Variants in PDIA5 observed in about 807,000 individuals in gnomAD.
The protein encoded by PDIA5 is protein disulfide isomerase family A member 5.
PDIA5 carries 58 observed loss-of-function variants against 77.6 expected under a neutral mutation model. The ratio of observed to expected loss-of-function variants is 0.75; its 90% CI spans 0.61 to 0.93. The LOEUF (loss-of-function observed/expected upper bound fraction) is 0.93. PDIA5 is among the 40% of genes least tolerant of loss of function. The probability of loss-of-function intolerance (pLI) is 0.00; values close to 1 mark genes in which losing one functional copy is unlikely to be tolerated. For synonymous variants in PDIA5, 250 were observed against 252.1 expected (o/e 0.99, Z 0.08); for missense variants, 630 against 647.7 (o/e 0.97, Z 0.30).
At chr3:123,114,933 G>GGGGCAGTTTT (rs1440656169) in intron 7 of PDIA5, among the ~76,000 whole-genome samples, 1 of 152,214 alleles carries the variant, frequency 6.6e-6, no homozygotes, top group East Asian at 1.9e-4. Flanking sequence ...AGGGGGCTGT[G>GGGGCAGTTTT]GGGCAGTTTT....
chr3:123,072,742 A>G (rs572564479), intron 1 of PDIA5, among the ~76,000 whole-genome samples: 1 of 152,158 alleles, frequency 6.6e-6, no homozygotes, highest in Admixed American at 6.5e-5. Context: ...GTTTTGCCCC[A>G]GCTTTGTGGT....
intron 15 of PDIA5, among the ~76,000 whole-genome samples, chr3:123,159,083 A>G (rs1322270579): frequency 1.3e-5 from 2 of 152,258 alleles, no homozygotes; most frequent in African/African-American, 4.8e-5. Flanking sequence ...ACCATACACT[A>G]TATTTCCAAT....
chr3:123,069,691 C>T (rs753156256), intron 1 of PDIA5, among the ~76,000 whole-genome samples: 4 of 152,106 alleles, frequency 2.6e-5, no homozygotes, highest in African/African-American at 7.2e-5. Context: ...TATTCATGAG[C>T]GATCCACCCT....
At chr3:123,159,796 CCTGGTGGCCAGGG>C (rs1419185798) in intron 15 of PDIA5, among the ~76,000 whole-genome samples, 1 of 152,102 alleles carries the variant, frequency 6.6e-6, no homozygotes. Context: ...GAAGGTGGCA[CCTGGTGGCCAGGG>C]GAGGCCGCAC....
chr3:123,155,096 C>T (rs946207916), intron 15 of PDIA5, 55 bp downstream of exon 15: 2 of 1,222,754 alleles, frequency 1.6e-6, no homozygotes, highest in African/African-American at 1.5e-5. Flanking sequence ...CCTACACCTT[C>T]CTTCTTGTCA....
At chr3:123,127,760 G>A (rs1249804732) in intron 10 of PDIA5, among the ~76,000 whole-genome samples, 4 of 152,264 alleles carry the variant, frequency 2.6e-5, no homozygotes, top group East Asian at 3.9e-4. Flanking sequence ...TTTGATGATA[G>A]CCACTGTGCT....
intron 1 of PDIA5, among the ~76,000 whole-genome samples, chr3:123,075,363 A>T (rs1178036799): frequency 1.3e-5 from 2 of 152,138 alleles, no homozygotes; most frequent in Non-Finnish European, 2.9e-5. Context: ...GAGAGGGTAG[A>T]CTGAGTGAGC....
chr3:123,130,614 C>T lies in PDIA5; in HGVS notation c.908C>T (p.Pro303Leu). ...HSSVLVMFHA[P>L]WCGHCKKMKP... ...TCTGTCCTCGTCATGTTCCACGCCC[C>T]ATGTGAGTGGAACTTTGCTCCTCCC... The change falls in exon 11 of 17, where the codon CCA (proline) becomes CTA (leucine). Residue 303 changes from proline to leucine, a missense_variant and splice_region_variant. Coordinates refer to ENST00000316218, the MANE Select transcript of PDIA5 (RefSeq NM_006810.4). 6.2e-7 allele frequency: 1 copy of T among 1,613,872 alleles called. No individual in the cohort carries two copies. The highest frequency in any genetic ancestry group is 2.2e-5 in the East Asian group (1 of 44,882).
rs71623603 is a variant in PDIA5, at chr3:123,101,906, C to CTTTTTTTTTTTTTTTTTTTTTTTTTTTT, written c.258-484_258-483insTTTTTTTTTTTTTTTTTTTTTTTTTTTT. On this transcript the variant is annotated intron_variant, in intron 3 of 16. Transcript: ENST00000316218. The stretch of plus-strand genomic sequence containing the variant: ...TCCCCTTCCTTTCCTTTCTTTCTTG[C>CTTTTTTTTTTTTTTTTTTTTTTTTTTTT]TTTTTTTTTTTTTTTTTTTTTGAGA... Among the ~76,000 whole-genome samples the CTTTTTTTTTTTTTTTTTTTTTTTTTTTT allele has an allele frequency of 5.6e-5, 4 of 71,378 alleles. 1 individual carries two copies. Among genetic ancestry groups the CTTTTTTTTTTTTTTTTTTTTTTTTTTTT allele is most frequent in the Non-Finnish European group, 4.8e-5 (2 of 41,590 alleles). 46.8% of individuals were successfully genotyped at this position (71,378 alleles called of 152,430 possible).
chr3:123,161,671 G>A, intron 16 of PDIA5: 1 of 650,606 alleles, frequency 1.5e-6, no homozygotes, highest in Non-Finnish European at 2.6e-6. Context: ...CCCAGAGGCA[G>A]GCTGGACTCC....
At position 123,146,243 on chromosome 3, in the gene PDIA5, C is replaced by T. The variant is rs764621840; in HGVS notation, c.1126C>T (p.Leu376Phe). Residue 376 changes from leucine to phenylalanine, a missense_variant, in exon 13 of 17, where the codon CTC becomes TTC. By Grantham distance (22) the Leu-to-Phe change is conservative. Coordinates refer to ENST00000316218, the MANE Select transcript of PDIA5 (RefSeq NM_006810.4). ...TGTGCTCAGGACAAAGAAGAAGTTT[C>T]TCGAGTGGATGCAAAAGTAAGTGTT... ...VPVLRTKKKF[L>F]EWMQNPEAPP... The T allele has an allele frequency of 8.1e-6, 13 of 1,613,976 alleles. No individual in the cohort carries two copies. Among genetic ancestry groups the T allele is most frequent in the Non-Finnish European group, 1.1e-5 (13 of 1,179,928 alleles).
intron 11 of PDIA5, chr3:123,145,265 C>T: frequency 2.2e-6 from 1 of 455,984 alleles, no homozygotes; most frequent in Non-Finnish European, 3.9e-6. Flanking sequence ...GGCTGTAAGG[C>T]ACTGGTCAGT....
chr3:123,140,021 G>A (rs553758497), intron 11 of PDIA5, among the ~76,000 whole-genome samples: 13 of 152,286 alleles, frequency 8.5e-5, no homozygotes, highest in South Asian at 4.1e-4. Context: ...AGCATGAGGC[G>A]CCTTTGGGAT....
At chr3:123,075,558 T>C (rs886760368) in intron 1 of PDIA5, among the ~76,000 whole-genome samples, 1 of 152,064 alleles carries the variant, frequency 6.6e-6, no homozygotes, top group Non-Finnish European at 1.5e-5. Context: ...ACCAAGAGCC[T>C]TTTTTGTGGT....
intron 7 of PDIA5, among the ~76,000 whole-genome samples, chr3:123,111,493 A>T (rs1934864104): frequency 6.6e-6 from 1 of 152,216 alleles, no homozygotes; most frequent in African/African-American, 2.4e-5. Context: ...GCAGAGAGAA[A>T]CTGGTTCCAG....
chr3:123,095,829 C>T (rs1934422043), intron 3 of PDIA5, among the ~76,000 whole-genome samples: 4 of 151,598 alleles, frequency 2.6e-5, no homozygotes, highest in Admixed American at 2.6e-4. Context: ...AGCTTTGAGT[C>T]CAGGCTCTGA....
chr3:123,150,432 C>T, intron 14 of PDIA5, 68 bp downstream of exon 14: 1 of 1,492,250 alleles, frequency 6.7e-7, no homozygotes, highest in Non-Finnish European at 9.1e-7. Context: ...CCAAAAAGAC[C>T]CGCACACCCA....
At chr3:123,139,041 C>A (rs1935563713) in intron 11 of PDIA5, among the ~76,000 whole-genome samples, 1 of 152,268 alleles carries the variant, frequency 6.6e-6, no homozygotes, top group South Asian at 2.1e-4. Flanking sequence ...GCCAACATTC[C>A]CACAGCCAGA....
At chr3:123,097,689 G>A (rs930052277) in intron 3 of PDIA5, among the ~76,000 whole-genome samples, 6 of 144,040 alleles carry the variant, frequency 4.2e-5, no homozygotes, top group African/African-American at 7.9e-5. Context: ...ACTCGCCCCC[G>A]CCCCCTCCCC....
Sources: allele counts gnomAD v4.1 joint callset (sites outside exome capture counted in the v4.1 genomes callset), GRCh38; gene constraint gnomAD v4.1.1; transcripts MANE v1.5; gene names NCBI Gene and HGNC (gene_info 2026-07-23, HGNC 2026-07-21).